The following HSD17B12 variants were observed in gnomAD, a reference collection of about 807,000 sequenced individuals.
HSD17B12 encodes the protein very-long-chain 3-oxoacyl-CoA reductase.
A neutral mutation model predicts 39.3 loss-of-function variants in HSD17B12; 32 were observed. That is an observed-to-expected ratio of 0.81 (90% CI 0.61 to 1.09). HSD17B12 has a LOEUF of 1.09. Among genes scored for constraint, HSD17B12 ranks in the 50% least tolerant of loss-of-function variants. The pLI is 0.00. For synonymous variants in HSD17B12, 150 were observed against 146.7 expected, an observed-to-expected ratio of 1.02 and a Z score of -0.16; for missense variants, 342 against 382.9, an observed-to-expected ratio of 0.89 and a Z score of 0.89.
Position 43,690,375 on chromosome 11 carries a change from TATATATATATATATATA to T in HSD17B12, c.160+9389_160+9405del, listed in dbSNP as rs1949844028. Among the ~76,000 whole-genome samples, 7 of 13,786 alleles carry T rather than the reference TATATATATATATATATA, an allele frequency of 5.1e-4. 1 individual carries two copies. The highest frequency in any genetic ancestry group is 1.2e-3 in the Admixed American group (1 of 866). 9.0% of individuals were successfully genotyped at this position (13,786 alleles called of 152,430 possible). Reference sequence around the variant, plus strand: ...AGGTATTCATACATATATATATATATATATATATATATATATATATATATATATATTTTTTTTTTTTT... The same window carrying T: ...AGGTATTCATACATATATATATATATTATATATATATATTTTTTTTTTTTT... On this transcript the variant is annotated intron_variant, in intron 1 of 10. Transcript: ENST00000278353.
At chr11:43,661,926 T>G in the HSD17B12 span, among the ~76,000 whole-genome samples, 1 of 152,220 alleles carries the variant, frequency 6.6e-6, no homozygotes, top group East Asian at 1.9e-4. Flanking sequence ...AGAACAAAAA[T>G]AATTCACTAT....
intron 1 of HSD17B12, among the ~76,000 whole-genome samples, chr11:43,689,839 G>A (rs546822566): frequency 4.6e-5 from 7 of 152,076 alleles, no homozygotes; most frequent in South Asian, 2.1e-4. Context: ...GTGAGCCACC[G>A]CACCCGGCCT....
At chr11:43,828,049 T>C (rs1951264918) in intron 6 of HSD17B12, among the ~76,000 whole-genome samples, 1 of 152,088 alleles carries the variant, frequency 6.6e-6, no homozygotes. Flanking sequence ...AAAATATATA[T>C]GTATATAAAG....
chr11:43,736,591 A>C (rs1950318755), intron 1 of HSD17B12, among the ~76,000 whole-genome samples: 1 of 152,212 alleles, frequency 6.6e-6, no homozygotes, highest in Non-Finnish European at 1.5e-5. Context: ...GGATTGTGGA[A>C]AATGCCCACA....
chr11:43,799,936 T>C (rs1026310433), intron 4 of HSD17B12, among the ~76,000 whole-genome samples: 2 of 152,152 alleles, frequency 1.3e-5, no homozygotes, highest in East Asian at 1.9e-4. Flanking sequence ...CCGACACCAC[T>C]ACTCCCTCAC....
At chr11:43,618,934 G>T in the HSD17B12 span, among the ~76,000 whole-genome samples, 2 of 151,504 alleles carry the variant, frequency 1.3e-5, no homozygotes, top group East Asian at 3.9e-4. Context: ...AACGTCAATA[G>T]GGCTCAGACA....
intron 3 of HSD17B12, among the ~76,000 whole-genome samples, chr11:43,778,843 T>C (rs1950737046): frequency 6.6e-6 from 1 of 152,220 alleles, no homozygotes; most frequent in Non-Finnish European, 1.5e-5. Context: ...TTTTTCTCTT[T>C]ACAAGTATAC....
At chr11:43,616,987 AAAAAAG>A in the HSD17B12 span, among the ~76,000 whole-genome samples, 1 of 151,428 alleles carries the variant, frequency 6.6e-6, no homozygotes, top group Non-Finnish European at 1.5e-5. Context: ...AAAAAAAAAA[AAAAAAG>A]AAAAAGAAAA....
the HSD17B12 span, among the ~76,000 whole-genome samples, chr11:43,601,593 C>A: frequency 1.3e-5 from 2 of 151,518 alleles, no homozygotes; most frequent in African/African-American, 4.8e-5. Flanking sequence ...AGCTTAGGCT[C>A]AGTTCTCCTT....
At chr11:43,680,605 G>A, upstream of HSD17B12, 1 of 559,252 alleles carries the variant, frequency 1.8e-6, no homozygotes, top group South Asian at 2.0e-5. Context: ...TGTGGGAGGG[G>A]CAGTGGAACT....
the HSD17B12 span, among the ~76,000 whole-genome samples, chr11:43,591,161 AC>A: frequency 6.6e-6 from 1 of 152,190 alleles, no homozygotes; most frequent in Non-Finnish European, 1.5e-5. Context: ...GTAATGAAGC[AC>A]AGAAACTGTC....
At chr11:43,606,133 A>G in the HSD17B12 span, among the ~76,000 whole-genome samples, 1 of 152,230 alleles carries the variant, frequency 6.6e-6, no homozygotes, top group Non-Finnish European at 1.5e-5. Flanking sequence ...TCTATTTGTA[A>G]CTATCTCCAT....
chr11:43,589,522 G>A, the HSD17B12 span, among the ~76,000 whole-genome samples: 2 of 152,112 alleles, frequency 1.3e-5, no homozygotes, highest in Admixed American at 1.3e-4. Flanking sequence ...ATTTTATTCA[G>A]TTTTCATAGA....
At chr11:43,775,289 T>C (rs915180643) in intron 3 of HSD17B12, among the ~76,000 whole-genome samples, 1 of 152,088 alleles carries the variant, frequency 6.6e-6, no homozygotes, top group African/African-American at 2.4e-5. Flanking sequence ...ATAATACATA[T>C]ATATTGTTCT....
chr11:43,653,460 T>C, the HSD17B12 span, among the ~76,000 whole-genome samples: 1 of 152,168 alleles, frequency 6.6e-6, no homozygotes, highest in African/African-American at 2.4e-5. Flanking sequence ...TGCAGCTTTG[T>C]TACATATGTA....
rs1951315373 is a variant in HSD17B12 at position 43,831,957 on chromosome 11, A to G, written c.536+947A>G. ...AACTTTGATAGCCTCCCACCATTGT[A>G]CAGATGAGGAAACTGAGGTTAGGAA... On this transcript the variant is annotated intron_variant, in intron 7 of 10. Coordinates refer to ENST00000278353, the MANE Select transcript of HSD17B12 (RefSeq NM_016142.3). The surrounding 1 kb of genome is among the most constrained non-coding windows in gnomAD (Gnocchi z 4.1). Among the ~76,000 whole-genome samples the G allele has an allele frequency of 6.6e-6, 1 of 152,214 alleles. No individual in the cohort carries two copies. Among genetic ancestry groups the G allele is most frequent in the Non-Finnish European group, 1.5e-5 (1 of 68,030 alleles).
intron 9 of HSD17B12, chr11:43,852,213 T>C (rs1295994570): frequency 6.6e-6 from 1 of 152,224 alleles, no homozygotes; most frequent in Non-Finnish European, 1.5e-5. Context: ...TTTAGCTGCA[T>C]GAAGAGTTAA....
intron 1 of HSD17B12, among the ~76,000 whole-genome samples, chr11:43,700,247 G>C (rs1177965351): frequency 6.6e-6 from 1 of 151,940 alleles, no homozygotes; most frequent in Non-Finnish European, 1.5e-5. Flanking sequence ...GTACACAGTA[G>C]GTATATATAT....
rs1255287995 is a variant in HSD17B12 at position 43,831,872 on chromosome 11, C to T, written c.536+862C>T. 1.3e-5 allele frequency among the ~76,000 whole-genome samples: 2 copies of T among 152,128 alleles called. No homozygotes were observed. Among genetic ancestry groups the T allele is most frequent in the Non-Finnish European group, 2.9e-5 (2 of 68,018 alleles). ...TATGACCTACTCCAGGCAGGGATTACAGCTTATGTTTATTGAGTATATAGT... is the reference window on the plus strand; with the variant it reads ...TATGACCTACTCCAGGCAGGGATTATAGCTTATGTTTATTGAGTATATAGT... On this transcript the variant is annotated intron_variant, in intron 7 of 10. Coordinates refer to ENST00000278353, the MANE Select transcript of HSD17B12 (RefSeq NM_016142.3). This position sits in a 1 kb window ranked among gnomAD's most constrained non-coding sequence, Gnocchi z 4.1.
Sources: gnomAD v4.1 joint callset for allele counts (sites outside exome capture counted in the v4.1 genomes callset) on GRCh38, gnomAD v4.1.1 for gene constraint, Gnocchi (gnomAD v3.1) non-coding constraint, MANE v1.5 for transcripts, NCBI Gene and HGNC (gene_info 2026-07-23, HGNC 2026-07-21) for gene names.